Variants in FKBP4 observed in about 807,000 individuals in gnomAD.
FKBP4 encodes FKBP prolyl isomerase 4.
A neutral mutation model predicts 54.1 loss-of-function variants in FKBP4; 28 were observed. The observed-to-expected ratio is 0.52, with a 90% CI of 0.38 to 0.71. FKBP4 has a LOEUF of 0.71. Among genes scored for constraint, FKBP4 ranks in the 30% least tolerant of loss-of-function variants. The pLI is 0.00. For missense variants in FKBP4, 493 were observed against 574.4 expected (o/e 0.86, Z 1.45); for synonymous variants, 223 against 216.1 (o/e 1.03, Z -0.28).
At chr12:2,796,649 C>G (rs2097902026) in intron 1 of FKBP4, 1 of 1,118,534 alleles carries the variant, frequency 8.9e-7, no homozygotes, top group Admixed American at 4.6e-5. Context: ...TTTCTATTCT[C>G]TTCACTCATA....
intron 7 of FKBP4, 49 bp from the exon 8 acceptor site, chr12:2,800,343 T>C (rs2153920120): frequency 1.9e-6 from 3 of 1,566,592 alleles, no homozygotes; most frequent in South Asian, 2.4e-5. Context: ...TATAAGAGCC[T>C]AGTACCACTG....
chr12:2,796,967 T>C, intron 1 of FKBP4, 171 bp from the exon 2 acceptor site: 4 of 1,398,718 alleles, frequency 2.9e-6, no homozygotes, highest in Non-Finnish European at 3.7e-6. Flanking sequence ...ACAAGAAGGT[T>C]AGTTGACTCA....
rs2097901506 is a variant in FKBP4, at chr12:2,795,871, C to A, written c.105+627C>A. The A allele has an allele frequency of 4.8e-6, 4 of 834,598 alleles. No homozygotes were observed. Among genetic ancestry groups the A allele is most frequent in the Non-Finnish European group, 5.8e-6 (4 of 690,748 alleles). 51.7% of individuals were successfully genotyped at this position (834,598 alleles called of 1,614,324 possible). On this transcript the variant is annotated intron_variant, in intron 1 of 9. Coordinates refer to ENST00000001008, the MANE Select transcript of FKBP4 (RefSeq NM_002014.4). This position sits in a 1 kb window ranked among gnomAD's most constrained non-coding sequence, Gnocchi z 4.3. ...AGCGAGGTCCCCACTCGCCGCGCGGCGCCCCCTCCCTCGGCCCCGGGGAGG... is the reference window on the plus strand; with the variant it reads ...AGCGAGGTCCCCACTCGCCGCGCGGAGCCCCCTCCCTCGGCCCCGGGGAGG...
intron 9 of FKBP4, among the ~76,000 whole-genome samples, chr12:2,802,937 A>G (rs1565398694): frequency 1.3e-5 from 2 of 152,154 alleles, no homozygotes; most frequent in Non-Finnish European, 2.9e-5. Flanking sequence ...CATGTTGCCC[A>G]GGCTGATCTC....
rs960984258 is a variant in FKBP4, at chr12:2,804,242, G to C, written c.*984G>C. On this transcript the variant is annotated 3_prime_UTR_variant, in exon 10 of 10. Coordinates refer to ENST00000001008, the MANE Select transcript of FKBP4 (RefSeq NM_002014.4). ...TCTGGTTTTCTTCCCTGACACTTAG[G>C]AAGACGAAAGTATAAAGATCTAGAA... 1 of 152,228 alleles carries C rather than the reference G, an allele frequency of 6.6e-6. No individual in the cohort carries two copies. The highest frequency in any genetic ancestry group is 1.9e-4 in the East Asian group (1 of 5,196). 9.4% of individuals were successfully genotyped at this position (152,228 alleles called of 1,614,324 possible).
rs780835389 is a variant in FKBP4 at position 2,800,434 on chromosome 12, G to A, written c.889G>A (p.Val297Met). Residue 297 changes from valine to methionine, a missense_variant, in exon 8 of 10, where the codon GTG becomes ATG. Transcript: ENST00000001008. Reference protein sequence around the residue: ...KQALLQYKKIVSWLEYESSFS... With the variant: ...KQALLQYKKIMSWLEYESSFS... ...AGCTTTACTACAGTATAAGAAGATC[G>A]TGTCTTGGCTGGAATATGAGTCTAG... 6.2e-6 allele frequency: 10 copies of A among 1,613,970 alleles called. No individual in the cohort carries two copies. The highest frequency in any genetic ancestry group is 8.5e-6 in the Non-Finnish European group (10 of 1,179,866).
intron 9 of FKBP4, 108 bp downstream of exon 9, chr12:2,801,464 T>A (rs2097904733): frequency 6.6e-7 from 1 of 1,523,830 alleles, no homozygotes; most frequent in African/African-American, 1.4e-5. Context: ...AAACCAGAAG[T>A]TGCCTTTTCC....
chr12:2,795,058 C>A lies in FKBP4; in HGVS notation c.-82C>A. 1 of 850,512 alleles carries A rather than the reference C, an allele frequency of 1.2e-6. No homozygotes were observed. Among genetic ancestry groups the A allele is most frequent in the Non-Finnish European group, 1.6e-6 (1 of 641,692 alleles). The allele number at this position is 850,512 out of a possible 1,614,324, so 52.7% of individuals were successfully genotyped here. A position where few individuals can be genotyped will look rare whatever the true frequency, so the allele number is the denominator to read the frequency against. On this transcript the variant is annotated 5_prime_UTR_variant, in exon 1 of 10. Coordinates refer to ENST00000001008, the MANE Select transcript of FKBP4 (RefSeq NM_002014.4). This position sits in a 1 kb window ranked among gnomAD's most constrained non-coding sequence, Gnocchi z 4.3. ...CCGCCGCGCCCGGCCTCCCGCACGCCCCGCAGGTAGCGCCCCCGCCCGCGG... is the reference window on the plus strand; with the variant it reads ...CCGCCGCGCCCGGCCTCCCGCACGCACCGCAGGTAGCGCCCCCGCCCGCGG...
chr12:2,802,284 C>T (rs2097905268), intron 9 of FKBP4, among the ~76,000 whole-genome samples: 1 of 152,096 alleles, frequency 6.6e-6, no homozygotes, highest in South Asian at 2.1e-4. Flanking sequence ...ATTACAGGCG[C>T]CCGCCACCAC....
chr12:2,802,609 A>T (rs1218927933), intron 9 of FKBP4, among the ~76,000 whole-genome samples: 1 of 152,244 alleles, frequency 6.6e-6, no homozygotes, highest in African/African-American at 2.4e-5. Context: ...ATTTTGCACT[A>T]AAAACACGAG....
intron 9 of FKBP4, chr12:2,801,590 AT>A (rs1393304258): frequency 1.6e-6 from 1 of 633,668 alleles, no homozygotes; most frequent in South Asian, 1.6e-5. Context: ...GTAATTCCCG[AT>A]TTATGTTTTC....
chr12:2,801,031 G>C (rs2097904446), intron 8 of FKBP4, 86 bp from the exon 9 acceptor site: 2 of 1,556,446 alleles, frequency 1.3e-6, no homozygotes, highest in Admixed American at 3.7e-5. Context: ...TCATCCTCCT[G>C]AGGGGTACCT....
At chr12:2,801,425 G>C (rs1485099401) in intron 9 of FKBP4, 69 bp downstream of exon 9, 1 of 1,598,358 alleles carries the variant, frequency 6.3e-7, no homozygotes, top group East Asian at 2.2e-5. Context: ...TGGGCTCTTT[G>C]TGCCTTTGGT....
Position 2,798,646 on chromosome 12 carries a change from TTG to T in FKBP4, c.394-56_394-55del, listed in dbSNP as rs1463138235. 5 of 1,609,066 alleles carry T rather than the reference TTG, an allele frequency of 3.1e-6. No homozygotes were observed. Among genetic ancestry groups the T allele is most frequent in the Middle Eastern group, 2.2e-4 (1 of 4,552 alleles). On this transcript the variant is annotated intron_variant, in intron 3 of 9. Coordinates refer to ENST00000001008, the MANE Select transcript of FKBP4 (RefSeq NM_002014.4). This position sits in a 1 kb window ranked among gnomAD's most constrained non-coding sequence, Gnocchi z 4.3. ...TAGGGACTCTCTCGGATGAGAAAGA[TTG>T]TGTTTCACTGCCCATGAGTTAGCAT... is the stretch of plus-strand genomic sequence containing the variant.
Position 2,800,246 on chromosome 12 carries a change from T to G in FKBP4, c.846+124T>G, listed in dbSNP as rs1565397423. 3 of 1,362,550 alleles carry G rather than the reference T, an allele frequency of 2.2e-6. No homozygotes were observed. In the African/African-American group the frequency reaches 4.3e-5, roughly 20 times the overall value. 84.4% of individuals were successfully genotyped at this position (1,362,550 alleles called of 1,614,324 possible). A position where few individuals can be genotyped will look rare whatever the true frequency, so the allele number is the denominator to read the frequency against. ...ACAGGTTGGCACCTGCCATCTTCAC[T>G]TCATATATGTGAGCTTGCTGGCCTT... is the stretch of plus-strand genomic sequence containing the variant. On this transcript the variant is annotated intron_variant, in intron 7 of 9. Coordinates refer to ENST00000001008, the MANE Select transcript of FKBP4 (RefSeq NM_002014.4).
intron 8 of FKBP4, 104 bp from the exon 9 acceptor site, chr12:2,801,013 A>T (rs917405484): frequency 3.3e-6 from 5 of 1,494,838 alleles, no homozygotes; most frequent in Non-Finnish European, 4.5e-6. Flanking sequence ...AGCCACTTGC[A>T]TTCCTCCTCA....
intron 5 of FKBP4, 99 bp downstream of exon 5, chr12:2,799,343 T>C: frequency 7.8e-7 from 1 of 1,274,744 alleles, no homozygotes; most frequent in Non-Finnish European, 1.1e-6. Flanking sequence ...TTTTTAACTC[T>C]GGCCACACCA....
In FKBP4 at chr12:2,799,912, A is replaced by G; in HGVS notation, c.734A>G (p.Tyr245Cys). The part of the protein sequence containing the change: ...FQIPPNAELK[Y>C]ELHLKSFEKA... ...ATCCCACCAAATGCTGAGCTGAAAT[A>G]TGAATTACACCTCAAGAGTTTTGAA... is the stretch of plus-strand genomic sequence containing the variant. The change falls in exon 6 of 10, where the codon TAT (tyrosine) becomes TGT (cysteine). Residue 245 changes from tyrosine (Y) to cysteine (C), a missense_variant. Transcript: ENST00000001008. 6.2e-7 allele frequency: 1 copy of G among 1,614,196 alleles called. No homozygotes were observed. Among genetic ancestry groups the G allele is most frequent in the Non-Finnish European group, 8.5e-7 (1 of 1,180,022 alleles).
intron 9 of FKBP4, among the ~76,000 whole-genome samples, chr12:2,802,686 G>A (rs547521702): frequency 3.8e-4 from 58 of 152,310 alleles, no homozygotes; most frequent in African/African-American, 1.4e-3. Context: ...GCATTGCAGT[G>A]AATAACCTCA....
Sources: gnomAD v4.1 joint callset for allele counts (sites outside exome capture counted in the v4.1 genomes callset) on GRCh38, gnomAD v4.1.1 for gene constraint, Gnocchi (gnomAD v3.1) non-coding constraint, MANE v1.5 for transcripts, NCBI Gene and HGNC (gene_info 2026-07-23, HGNC 2026-07-21) for gene names.